Variants in SASH1 observed in about 807,000 individuals in gnomAD.
SASH1 encodes SAM and SH3 domain-containing protein 1.
SASH1 carries 44 observed loss-of-function variants against 125.2 expected under a neutral mutation model. The ratio of observed to expected loss-of-function variants is 0.35; its 90% CI spans 0.28 to 0.45. SASH1 has a LOEUF of 0.45. Ranked by LOEUF, SASH1 falls within the 20% of genes least tolerant of loss-of-function variation. SASH1 has a pLI of 1.00. For missense variants in SASH1, 1,426 were observed against 1,614.5 expected (o/e 0.88, Z 2.00); for synonymous variants, 639 against 649.1 (o/e 0.98, Z 0.24).
At chr6:148,449,731 G>T (rs931047699) in intron 4 of SASH1, among the ~76,000 whole-genome samples, 6 of 152,178 alleles carry the variant, frequency 3.9e-5, no homozygotes, top group African/African-American at 1.2e-4. Context: ...TTAGCTCAGG[G>T]TTCTGCAGCC....
At chr6:148,541,297 G>A (rs1007987340) in intron 17 of SASH1, among the ~76,000 whole-genome samples, 2 of 151,188 alleles carry the variant, frequency 1.3e-5, no homozygotes, top group Admixed American at 1.3e-4. Flanking sequence ...TAGCCCATGT[G>A]TTAAGATATT....
chr6:148,251,843 C>T, the SASH1 span, among the ~76,000 whole-genome samples: 2 of 115,814 alleles, frequency 1.7e-5, no homozygotes, highest in East Asian at 3.2e-4. Context: ...TCCCCCCACC[C>T]CACAACAGTC....
chr6:148,475,572 A>C (rs1583219489), intron 7 of SASH1, among the ~76,000 whole-genome samples: 1 of 152,216 alleles, frequency 6.6e-6, no homozygotes, highest in African/African-American at 2.4e-5. Flanking sequence ...TAACACCGCC[A>C]CAACAACTAC....
intron 1 of SASH1, among the ~76,000 whole-genome samples, chr6:148,281,106 CTTTTTTTT>C (rs34144143): frequency 1.4e-5 from 1 of 69,240 alleles, no homozygotes; most frequent in Admixed American, 2.0e-4. Flanking sequence ...CCATGCCTAG[CTTTTTTTT>C]TTTTTTTTTT....
At chr6:148,424,673 C>A (rs1387736141) in intron 2 of SASH1, among the ~76,000 whole-genome samples, 1 of 152,174 alleles carries the variant, frequency 6.6e-6, no homozygotes, top group African/African-American at 2.4e-5. Context: ...GTCCAGCCTC[C>A]TCTTAACTTT....
intron 2 of SASH1, among the ~76,000 whole-genome samples, chr6:148,406,855 A>G (rs34444740): frequency 0.072 from 10,825 of 150,686 alleles, 389 homozygotes; most frequent in Non-Finnish European, 0.093. Flanking sequence ...GAGCAGAGAG[A>G]ATCAGGCGCT....
chr6:148,297,154 G>T lies in SASH1; in HGVS notation n.74+24777G>T, dbSNP rs112371263. ...AACTATGGTTCATTCAGCACAGAGA[G>T]TAGGACTCTGGGCATGGTGCACGCT... is the stretch of plus-strand genomic sequence containing the variant. On this transcript the variant is annotated intron_variant and non_coding_transcript_variant, in intron 1 of 3. Transcript: ENST00000367469. 3.5e-3 allele frequency among the ~76,000 whole-genome samples: 540 copies of T among 152,342 alleles called. 4 individuals carry two copies. The highest frequency in any genetic ancestry group is 0.012 in the African/African-American group (496 of 41,588).
chr6:148,521,134 G>A (rs1409852921), intron 10 of SASH1, among the ~76,000 whole-genome samples: 1 of 152,192 alleles, frequency 6.6e-6, no homozygotes, highest in Non-Finnish European at 1.5e-5. Context: ...GACTTACTTT[G>A]AACTTCAGAA....
intron 7 of SASH1, among the ~76,000 whole-genome samples, chr6:148,478,136 CA>C (rs1342359689): frequency 6.6e-6 from 1 of 151,964 alleles, no homozygotes; most frequent in Non-Finnish European, 1.5e-5. Flanking sequence ...CCTCACAATA[CA>C]AAAAAATAGA....
chr6:148,332,949 T>C (rs1221775049), intron 1 of SASH1, among the ~76,000 whole-genome samples: 1 of 152,124 alleles, frequency 6.6e-6, no homozygotes, highest in Non-Finnish European at 1.5e-5. Flanking sequence ...ATTGTGGCAC[T>C]GCACTCCAGG....
At chr6:148,358,732 T>TG (rs756059693) in intron 1 of SASH1, among the ~76,000 whole-genome samples, 1 of 125,950 alleles carries the variant, frequency 7.9e-6, no homozygotes, top group African/African-American at 2.9e-5. Context: ...GCCATGTTTT[T>TG]GTTTTTTTTT....
At chr6:148,227,938 AC>A in the SASH1 span, among the ~76,000 whole-genome samples, 1 of 152,292 alleles carries the variant, frequency 6.6e-6, no homozygotes, top group African/African-American at 2.4e-5. Flanking sequence ...CTGGAAAAAC[AC>A]CTGTAAGCAC....
chr6:148,403,862 T>A (rs2114878909), intron 2 of SASH1, among the ~76,000 whole-genome samples: 1 of 152,386 alleles, frequency 6.6e-6, no homozygotes, highest in South Asian at 2.1e-4. Context: ...ATGAGTGTTT[T>A]AATTGGGATA....
chr6:148,348,274 G>A (rs1418291200), intron 1 of SASH1, among the ~76,000 whole-genome samples: 3 of 152,188 alleles, frequency 2.0e-5, no homozygotes, highest in Admixed American at 6.5e-5. Flanking sequence ...GATTACAGGC[G>A]TGAGCCACTG....
chr6:148,364,599 A>C (rs1782374312), intron 1 of SASH1, among the ~76,000 whole-genome samples: 1 of 152,108 alleles, frequency 6.6e-6, no homozygotes, highest in African/African-American at 2.4e-5. Context: ...TAAGGCTAGC[A>C]GTTGCTATAG....
intron 8 of SASH1, among the ~76,000 whole-genome samples, chr6:148,489,093 T>G (rs1027938941): frequency 1.3e-5 from 2 of 152,240 alleles, no homozygotes; most frequent in African/African-American, 4.8e-5. Flanking sequence ...GAGGGTTTCA[T>G]AGTTTTAGCC....
intron 1 of SASH1, among the ~76,000 whole-genome samples, chr6:148,307,080 CTTTCT>C: frequency 6.9e-6 from 1 of 145,236 alleles, no homozygotes. Flanking sequence ...TTCTTTCTTT[CTTTCT>C]TTCTTTCTTT....
At chr6:148,397,085 G>A (rs954246063) in intron 2 of SASH1, among the ~76,000 whole-genome samples, 2 of 151,992 alleles carry the variant, frequency 1.3e-5, no homozygotes, top group Non-Finnish European at 2.9e-5. Flanking sequence ...TCATAATACC[G>A]TGAACGTCCT....
At chr6:148,536,174 A>G (rs186799660) in intron 16 of SASH1, among the ~76,000 whole-genome samples, 11 of 152,328 alleles carry the variant, frequency 7.2e-5, no homozygotes, top group African/African-American at 2.4e-4. Flanking sequence ...GTCTGTGGCC[A>G]GGTTGCGTGT....
Sources: gnomAD v4.1 joint callset for allele counts (sites outside exome capture counted in the v4.1 genomes callset) on GRCh38, gnomAD v4.1.1 for gene constraint, MANE v1.5 for transcripts, NCBI Gene and HGNC (gene_info 2026-07-23, HGNC 2026-07-21) for gene names.